NUMB: variants seen among roughly 807,000 people sequenced by gnomAD.
NUMB encodes the protein NUMB endocytic adaptor protein.
Under a neutral mutation model 59.7 loss-of-function variants are expected in NUMB, and 29 were observed. The ratio of observed to expected loss-of-function variants is 0.49; its 90% CI spans 0.36 to 0.66. The LOEUF is 0.66. Ranked by LOEUF, NUMB falls within the 30% of genes least tolerant of loss-of-function variation. The probability of loss-of-function intolerance (pLI) is 0.00; values close to 1 mark genes in which losing one functional copy is unlikely to be tolerated. For synonymous variants in NUMB, 288 were observed against 288.2 expected (o/e 1.00, Z 0.01); for missense variants, 723 against 822.0 (o/e 0.88, Z 1.47).
chr14:73,325,083 A>T (rs1292873442), intron 4 of NUMB, among the ~76,000 whole-genome samples: 1 of 152,232 alleles, frequency 6.6e-6, no homozygotes, highest in Non-Finnish European at 1.5e-5. Flanking sequence ...ATAGCCAATC[A>T]CTAGTCAATG....
At chr14:73,279,138 T>C in intron 12 of NUMB, 143 bp downstream of exon 12, 8 of 863,648 alleles carry the variant, frequency 9.3e-6, no homozygotes, top group South Asian at 1.6e-5. Context: ...TCCTTTCTTA[T>C]GTAAGCAACT....
chr14:73,312,249 C>G (rs913474231), intron 6 of NUMB, among the ~76,000 whole-genome samples: 1 of 151,588 alleles, frequency 6.6e-6, no homozygotes, highest in South Asian at 2.1e-4. Context: ...CAAAAATTAT[C>G]CGGGTATGGT....
At chr14:73,393,215 A>G (rs1415615719) in intron 2 of NUMB, among the ~76,000 whole-genome samples, 1 of 152,202 alleles carries the variant, frequency 6.6e-6, no homozygotes, top group Non-Finnish European at 1.5e-5. Flanking sequence ...CAGCAGCCCA[A>G]TTTTACAGGT....
intron 4 of NUMB, among the ~76,000 whole-genome samples, chr14:73,325,238 TAAG>T (rs1163629393): frequency 6.6e-6 from 1 of 152,102 alleles, no homozygotes. Flanking sequence ...GAAGCCAAGG[TAAG>T]AAGATCATCT....
At chr14:73,340,657 CAT>C (rs1892586045) in intron 4 of NUMB, among the ~76,000 whole-genome samples, 1 of 152,154 alleles carries the variant, frequency 6.6e-6, no homozygotes, top group Admixed American at 6.5e-5. Context: ...TTATCGGTCT[CAT>C]AGAGAAGAAA....
chr14:73,400,422 T>G (rs1187103847), intron 2 of NUMB, among the ~76,000 whole-genome samples: 1 of 152,170 alleles, frequency 6.6e-6, no homozygotes, highest in Admixed American at 6.5e-5. Context: ...ACCTAAGGAC[T>G]TAGGGTGAAA....
In NUMB at chr14:73,415,002, C is replaced by T. The variant is rs188793673; in HGVS notation, c.-232-4934G>A. Among the ~76,000 whole-genome samples the T allele has an allele frequency of 9.2e-5, 14 of 152,242 alleles. No individual in the cohort carries two copies. In the East Asian group the frequency reaches 2.5e-3, roughly 27 times the overall value. On this transcript the variant is annotated intron_variant, in intron 1 of 12. Transcript: ENST00000555238. ...CCCAAAGTGCTGGGATACAGGTGCG[C>T]TACCACGCCCAGCTGATAATGATGT...
chr14:73,397,162 A>C (rs1432601555), intron 2 of NUMB, among the ~76,000 whole-genome samples: 2 of 152,044 alleles, frequency 1.3e-5, no homozygotes, highest in Admixed American at 6.6e-5. Context: ...AAATAACCAC[A>C]GATTCCTGGG....
At chr14:73,415,507 TC>T (rs1897087992) in intron 1 of NUMB, among the ~76,000 whole-genome samples, 1 of 61,128 alleles carries the variant, frequency 1.6e-5, no homozygotes, top group Non-Finnish European at 2.6e-5. Flanking sequence ...TTTTTTCTTT[TC>T]TTTTTTTTTT....
intron 2 of NUMB, among the ~76,000 whole-genome samples, chr14:73,401,736 AT>A (rs1896428506): frequency 6.6e-6 from 1 of 151,556 alleles, no homozygotes; most frequent in African/African-American, 2.4e-5. Context: ...CGCCCAGCTA[AT>A]TTTCTGTATT....
intron 2 of NUMB, among the ~76,000 whole-genome samples, chr14:73,380,912 G>T (rs897429934): frequency 6.6e-6 from 1 of 152,082 alleles, no homozygotes. Context: ...TAGTAGAGAC[G>T]TGGTTTCACC....
intron 2 of NUMB, among the ~76,000 whole-genome samples, chr14:73,407,921 T>G (rs1168481476): frequency 6.6e-6 from 1 of 152,132 alleles, no homozygotes; most frequent in Admixed American, 6.5e-5. Context: ...AACTTTGCAG[T>G]TTTCTCATCC....
intron 2 of NUMB, among the ~76,000 whole-genome samples, chr14:73,376,249 T>C (rs1389199157): frequency 6.6e-6 from 1 of 152,170 alleles, no homozygotes; most frequent in East Asian, 1.9e-4. Context: ...CACTTTCCTA[T>C]ATACCAGTAA....
chr14:73,427,612 A>G (rs1897644699), intron 1 of NUMB, among the ~76,000 whole-genome samples: 2 of 152,112 alleles, frequency 1.3e-5, no homozygotes, highest in Non-Finnish European at 2.9e-5. Context: ...AATCAAAACT[A>G]CTGTACAAGA....
Position 73,287,266 on chromosome 14 carries a change from C to T in NUMB, c.499G>A (p.Glu167Lys). 1 of 1,613,794 alleles carries T rather than the reference C, an allele frequency of 6.2e-7. No individual in the cohort carries two copies. Among genetic ancestry groups the T allele is most frequent in the South Asian group, 1.1e-5 (1 of 91,066 alleles). The change falls in exon 9 of 13, where the codon GAG becomes AAG. Residue 167 changes from glutamate (E) to lysine (K), a missense_variant. Glu to Lys is a moderately conservative substitution (Grantham distance 56, BLOSUM62 1). Coordinates refer to ENST00000555238, the MANE Select transcript of NUMB (RefSeq NM_001005743.2). ...AVGCAFAACL[E>K]RKQKREKECG... ...TCCTTCTCCCGCTTCTGCTTGCGCT[C>T]TAAACAGGCTGCAAAAGCACAGCCT...
intron 4 of NUMB, among the ~76,000 whole-genome samples, chr14:73,353,072 G>GTTGTTTTTT (rs1893522798): frequency 3.4e-5 from 2 of 58,514 alleles, no homozygotes; most frequent in Non-Finnish European, 3.3e-5. Context: ...AGTTTTTCTT[G>GTTGTTTTTT]TTTTTTTTTT....
chr14:73,402,057 G>T (rs1328644262), intron 2 of NUMB, among the ~76,000 whole-genome samples: 2 of 152,062 alleles, frequency 1.3e-5, no homozygotes, highest in Non-Finnish European at 2.9e-5. Flanking sequence ...TAATGACAAG[G>T]TCTCACTATG....
intron 2 of NUMB, among the ~76,000 whole-genome samples, chr14:73,404,385 T>C (rs1442174761): frequency 1.3e-5 from 2 of 151,920 alleles, no homozygotes; most frequent in African/African-American, 4.8e-5. Flanking sequence ...CAGGAAAAAA[T>C]AGTTTGCATT....
intron 4 of NUMB, among the ~76,000 whole-genome samples, chr14:73,350,171 G>A (rs112234481): frequency 1.4e-4 from 20 of 138,214 alleles, no homozygotes; most frequent in African/African-American, 5.3e-4. Context: ...GAAACTAGGT[G>A]TCTTTTTTTT....
Sources: gnomAD v4.1 joint callset for allele counts (sites outside exome capture counted in the v4.1 genomes callset) on GRCh38, gnomAD v4.1.1 for gene constraint, MANE v1.5 for transcripts, NCBI Gene and HGNC (gene_info 2026-07-23, HGNC 2026-07-21) for gene names.